Variants in NELFA observed in about 807,000 individuals in gnomAD.
The protein encoded by NELFA is negative elongation factor A.
A neutral mutation model predicts 51.8 loss-of-function variants in NELFA; 35 were observed. The ratio of observed to expected loss-of-function variants is 0.68; its 90% CI spans 0.52 to 0.90. NELFA has a LOEUF of 0.90. NELFA is among the 40% of genes least tolerant of loss of function. NELFA has a pLI of 0.00. For synonymous variants in NELFA, 417 were observed against 338.4 expected (o/e 1.23, Z -2.55); for missense variants, 658 against 746.4 (o/e 0.88, Z 1.38).
chr4:1,991,320 G>A (rs936722014), intron 2 of NELFA, among the ~76,000 whole-genome samples: 9 of 152,182 alleles, frequency 5.9e-5, no homozygotes, highest in South Asian at 2.1e-4. Flanking sequence ...TGACACCGCA[G>A]CAGTGAGGAT....
chr4:2,000,917 C>A (rs1728552328), intron 1 of NELFA, among the ~76,000 whole-genome samples: 1 of 152,214 alleles, frequency 6.6e-6, no homozygotes, highest in Admixed American at 6.5e-5. Flanking sequence ...CAAACCGAAT[C>A]CAGCAGCACA....
At chr4:2,005,563 A>T (rs1350045254) in intron 1 of NELFA, among the ~76,000 whole-genome samples, 1 of 152,040 alleles carries the variant, frequency 6.6e-6, no homozygotes, top group African/African-American at 2.4e-5. Context: ...GTGGTGGTGC[A>T]TGCCTGTAAT....
intron 7 of NELFA, among the ~76,000 whole-genome samples, chr4:1,985,188 G>A (rs548141202): frequency 1.4e-4 from 21 of 152,302 alleles, no homozygotes; most frequent in Admixed American, 9.8e-4. Context: ...CAGAAGGAGC[G>A]ATGCTTTTTC....
chr4:1,983,003 T>G lies in NELFA; in HGVS notation c.*316A>C. 1 of 196,686 alleles carries G rather than the reference T, an allele frequency of 5.1e-6. No individual in the cohort carries two copies. Among genetic ancestry groups the G allele is most frequent in the Non-Finnish European group, 1.0e-5 (1 of 99,834 alleles). The allele number at this position is 196,686 out of a possible 1,614,324, so 12.2% of individuals were successfully genotyped here. A position where few individuals can be genotyped will look rare whatever the true frequency, so the allele number is the denominator to read the frequency against. ...TAGAAAAGATTTTAAAAAGTAAGAG[T>G]CTAACAGGCAGAGCTGTCACTAAAA... is the stretch of plus-strand genomic sequence containing the variant. On this transcript the variant is annotated 3_prime_UTR_variant, in exon 11 of 11. Coordinates refer to ENST00000382882, the MANE Select transcript of NELFA (RefSeq NM_005663.5).
intron 1 of NELFA, among the ~76,000 whole-genome samples, chr4:2,006,759 A>C: frequency 7.9e-6 from 1 of 127,274 alleles, no homozygotes; most frequent in South Asian, 3.0e-4. Flanking sequence ...ACAGAGTGAG[A>C]CGCTGTCTCA....
intron 4 of NELFA, chr4:1,987,589 G>A (rs950385722): frequency 1.0e-5 from 3 of 286,774 alleles, no homozygotes; most frequent in South Asian, 1.1e-4. Context: ...AACAGCAGAG[G>A]AGCAGGGGCC....
At chr4:1,985,675 T>C (rs1240895263) in intron 7 of NELFA, 101 bp downstream of exon 7, 6 of 840,442 alleles carry the variant, frequency 7.1e-6, no homozygotes, top group Admixed American at 2.1e-5. Context: ...CATATGTACA[T>C]ACATATATAT....
chr4:2,005,490 G>A (rs1397798917), intron 1 of NELFA, among the ~76,000 whole-genome samples: 4 of 152,030 alleles, frequency 2.6e-5, no homozygotes, highest in African/African-American at 4.8e-5. Flanking sequence ...TCAGGAGTTC[G>A]AGAGCAGCCT....
Position 2,008,722 on chromosome 4 carries a change from G to T in NELFA, c.210+28C>A, listed in dbSNP as rs775240156. ...GGAGGTGGGAAGGTTGGGAATCTGG[G>T]GGCCGCGGGGCGCCACGCCTGCCTT... On this transcript the variant is annotated intron_variant, in intron 1 of 10. Transcript: ENST00000382882. 3.2e-6 allele frequency: 5 copies of T among 1,581,228 alleles called. No homozygotes were observed. The East Asian group carries it at 1.1e-4, about 36-fold the overall frequency.
Position 1,983,854 on chromosome 4 carries a change from G to A in NELFA, c.1296C>T (p.Ser432=), listed in dbSNP as rs1431860711. Residue 432 remains serine, a synonymous_variant, in exon 9 of 11, where the codon TCC becomes TCT. Transcript: ENST00000382882. ...PAQQQPKKNL[S]LTREQMFAAQ... is the part of the protein sequence containing the mutation. ...CCTACCAGTGTACACCTACCGTGAG[G>A]GACAGGTTCTTCTTAGGCTGCTGCT... The A allele has an allele frequency of 2.5e-6, 4 of 1,574,402 alleles. No individual in the cohort carries two copies. Among genetic ancestry groups the A allele is most frequent in the Non-Finnish European group, 2.6e-6 (3 of 1,159,826 alleles).
chr4:2,004,568 T>A (rs919201186), intron 1 of NELFA, among the ~76,000 whole-genome samples: 4 of 151,592 alleles, frequency 2.6e-5, no homozygotes, highest in African/African-American at 9.7e-5. Context: ...GCTCGCCGCA[T>A]CCTCAACCTC....
chr4:2,003,315 C>T lies in NELFA; in HGVS notation c.210+5435G>A, dbSNP rs141794292. On this transcript the variant is annotated intron_variant, in intron 1 of 10. Coordinates refer to ENST00000382882, the MANE Select transcript of NELFA (RefSeq NM_005663.5). ...TTAGTTCAACCATTGTGGAAGACAGCATGGCGATTCCTCAAGGATCTAACA... is the reference window on the plus strand; with the variant it reads ...TTAGTTCAACCATTGTGGAAGACAGTATGGCGATTCCTCAAGGATCTAACA... Among the ~76,000 whole-genome samples the T allele has an allele frequency of 5.9e-3, 898 of 152,318 alleles. 4 individuals carry two copies. The highest frequency in any genetic ancestry group is 0.02 in the African/African-American group (829 of 41,564).
In NELFA at chr4:1,983,884, A is replaced by AGGGGCCTGGGTCTGC; in HGVS notation, c.1251_1265dup (p.Gln418_Pro422dup). 6.3e-7 allele frequency: 1 copy of AGGGGCCTGGGTCTGC among 1,592,046 alleles called. No homozygotes were observed. Among genetic ancestry groups the AGGGGCCTGGGTCTGC allele is most frequent in the Non-Finnish European group, 8.6e-7 (1 of 1,168,858 alleles). On this transcript the variant is annotated inframe_insertion, in exon 9 of 11. Coordinates refer to ENST00000382882, the MANE Select transcript of NELFA (RefSeq NM_005663.5). ...GGTTCTTCTTAGGCTGCTGCTGAGCAGGGGCCTGGGTCTGCGGGGCCACCA... is the reference window on the plus strand; with the variant it reads ...GGTTCTTCTTAGGCTGCTGCTGAGCAGGGGCCTGGGTCTGCGGGGCCTGGGTCTGCGGGGCCACCA...
chr4:2,008,349 G>T (rs1451633167), intron 1 of NELFA, among the ~76,000 whole-genome samples: 1 of 151,692 alleles, frequency 6.6e-6, no homozygotes, highest in East Asian at 1.9e-4. Flanking sequence ...CCTGGGGGTC[G>T]TAGCGAGAAC....
intron 4 of NELFA, 125 bp from the exon 5 acceptor site, chr4:1,986,527 G>A (rs546190046): frequency 1.2e-5 from 17 of 1,471,882 alleles, no homozygotes; most frequent in Non-Finnish European, 1.6e-5. Context: ...ACCCCTGGCG[G>A]GCAGCGGGCA....
intron 1 of NELFA, among the ~76,000 whole-genome samples, chr4:1,997,363 G>A (rs183220722): frequency 1.2e-4 from 19 of 152,234 alleles, no homozygotes; most frequent in African/African-American, 4.6e-4. Context: ...AAAACTACAG[G>A]TCAATCTCAC....
intron 9 of NELFA, 73 bp from the exon 10 acceptor site, chr4:1,983,768 T>C (rs757395757): frequency 1.8e-5 from 29 of 1,598,624 alleles, no homozygotes; most frequent in Non-Finnish European, 2.4e-5. Context: ...GCAGGCACCG[T>C]GGCACCCCCA....
chr4:1,985,468 G>A (rs1051208995), intron 7 of NELFA, among the ~76,000 whole-genome samples: 2 of 152,082 alleles, frequency 1.3e-5, no homozygotes, highest in African/African-American at 2.4e-5. Context: ...TCACGGCCAC[G>A]TGCAAGGCTT....
At chr4:1,996,196 G>T (rs1478959600) in intron 1 of NELFA, among the ~76,000 whole-genome samples, 2 of 152,158 alleles carry the variant, frequency 1.3e-5, no homozygotes, top group Admixed American at 6.5e-5. Flanking sequence ...TCTCTGACAA[G>T]AGCTCAATAC....
Sources: allele counts gnomAD v4.1 joint callset (sites outside exome capture counted in the v4.1 genomes callset), GRCh38; gene constraint gnomAD v4.1.1; transcripts MANE v1.5; gene names NCBI Gene and HGNC (gene_info 2026-07-23, HGNC 2026-07-21).